The following CSMD1 variants were observed in gnomAD, a reference collection of about 807,000 sequenced individuals.
The protein encoded by CSMD1 is CUB and Sushi multiple domains 1.
CSMD1 carries 213 observed loss-of-function variants against 417.5 expected under a neutral mutation model. The ratio of observed to expected loss-of-function variants is 0.51; its 90% CI spans 0.46 to 0.57. The LOEUF is 0.57. Among genes scored for constraint, CSMD1 ranks in the 20% least tolerant of loss-of-function variants. The probability of loss-of-function intolerance (pLI) is 0.00; values close to 1 mark genes in which losing one functional copy is unlikely to be tolerated. For synonymous variants in CSMD1, 2,862 were observed against 1,736.8 expected (o/e 1.65, Z -16.11); for missense variants, 6,923 against 4,529.7 (o/e 1.53, Z -15.17).
intron 3 of CSMD1, among the ~76,000 whole-genome samples, chr8:4,173,586 C>T (rs552671098): frequency 2.0e-4 from 30 of 152,080 alleles, no homozygotes; most frequent in Middle Eastern, 6.8e-3. Context: ...CAATATGATT[C>T]GCTGGGTTTA....
chr8:4,707,236 T>G (rs2116846075), intron 1 of CSMD1, among the ~76,000 whole-genome samples: 1 of 152,346 alleles, frequency 6.6e-6, no homozygotes, highest in East Asian at 1.9e-4. Flanking sequence ...TTATCTCATT[T>G]TCATTCTTAC....
Position 3,344,856 on chromosome 8 carries a change from A to T in CSMD1, c.3475-1406T>A, listed in dbSNP as rs78736558. Among the ~76,000 whole-genome samples the T allele has an allele frequency of 6.2e-4, 95 of 152,342 alleles. 1 individual carries two copies. In the East Asian group the frequency reaches 0.015, roughly 24 times the overall value. ...GTTATTTCATTACAATTAAATATGC[A>T]CATGCTAGTGGGGTAGAATCAGATA... On this transcript the variant is annotated intron_variant, in intron 22 of 69. Transcript: ENST00000635120.
At chr8:4,075,924 A>G (rs1799797961) in intron 3 of CSMD1, among the ~76,000 whole-genome samples, 1 of 152,142 alleles carries the variant, frequency 6.6e-6, no homozygotes. Flanking sequence ...GGTACTTTAT[A>G]TATACTAAGA....
At chr8:4,894,566 A>AAAAG (rs1554513141) in intron 1 of CSMD1, among the ~76,000 whole-genome samples, 49 of 150,120 alleles carry the variant, frequency 3.3e-4, no homozygotes, top group East Asian at 7.9e-4. Context: ...AAAGAAAAAA[A>AAAAG]AAAAAAAAAG....
intron 6 of CSMD1, among the ~76,000 whole-genome samples, chr8:3,726,260 C>G (rs1040295212): frequency 1.3e-5 from 2 of 152,172 alleles, no homozygotes; most frequent in African/African-American, 4.8e-5. Flanking sequence ...AAAGAACAGC[C>G]CAGCTAGGCT....
At chr8:4,154,573 C>G (rs926602214) in intron 3 of CSMD1, among the ~76,000 whole-genome samples, 2 of 152,088 alleles carry the variant, frequency 1.3e-5, no homozygotes, top group Admixed American at 6.6e-5. Flanking sequence ...TGAGCTGGGC[C>G]AAGAGGTGAG....
chr8:3,319,757 C>T (rs1043383168), intron 23 of CSMD1, among the ~76,000 whole-genome samples: 3 of 151,994 alleles, frequency 2.0e-5, no homozygotes, highest in Admixed American at 6.5e-5. Context: ...ATTAGGAACA[C>T]GTCAGCCGGG....
intron 5 of CSMD1, among the ~76,000 whole-genome samples, chr8:3,931,623 G>A (rs929932954): frequency 1.3e-5 from 2 of 149,690 alleles, no homozygotes; most frequent in East Asian, 2.0e-4. Context: ...GTTAGAGACA[G>A]AGAAAAGTGC....
intron 3 of CSMD1, among the ~76,000 whole-genome samples, chr8:4,391,232 A>G (rs920257520): frequency 6.6e-6 from 1 of 152,166 alleles, no homozygotes; most frequent in Non-Finnish European, 1.5e-5. Context: ...CACTGTGTGC[A>G]AAGACAGCCA....
At chr8:3,274,962 C>G (rs1443619691) in intron 26 of CSMD1, among the ~76,000 whole-genome samples, 1 of 152,064 alleles carries the variant, frequency 6.6e-6, no homozygotes, top group Admixed American at 6.6e-5. Flanking sequence ...TGAATTTGAT[C>G]CTGTCATTAT....
intron 3 of CSMD1, among the ~76,000 whole-genome samples, chr8:4,287,244 A>G (rs919226135): frequency 1.3e-5 from 2 of 152,174 alleles, no homozygotes; most frequent in African/African-American, 2.4e-5. Context: ...GCAAGTTCTA[A>G]AAGATTCCCC....
At chr8:3,852,190 A>G (rs1803957500) in intron 5 of CSMD1, among the ~76,000 whole-genome samples, 1 of 152,182 alleles carries the variant, frequency 6.6e-6, no homozygotes, top group Admixed American at 6.5e-5. Context: ...TACGGAGAGT[A>G]TGTCCCTAAA....
chr8:3,175,511 T>TCC (rs1356860287), intron 37 of CSMD1, among the ~76,000 whole-genome samples: 62 of 54,516 alleles, frequency 1.1e-3, no homozygotes, highest in Middle Eastern at 9.8e-3. Context: ...CTGCCTGCCT[T>TCC]TTTTCCTTCC....
intron 1 of CSMD1, among the ~76,000 whole-genome samples, chr8:4,743,101 TATAATCTGAAAATAAATATACCAAGAAA>T (rs1340926765): frequency 6.6e-6 from 1 of 152,188 alleles, no homozygotes; most frequent in East Asian, 1.9e-4. Flanking sequence ...AGAGTCAGTA[TATAATCTGAAAATAAATATACCAAGAAA>T]AATAACCAAA....
intron 25 of CSMD1, among the ~76,000 whole-genome samples, chr8:3,307,450 T>A (rs1304286998): frequency 5.9e-5 from 9 of 152,154 alleles, no homozygotes; most frequent in Admixed American, 5.2e-4. Context: ...GGGGATAGTT[T>A]GTTATGCAGC....
chr8:4,106,555 A>C (rs573432156), intron 3 of CSMD1, among the ~76,000 whole-genome samples: 3 of 152,244 alleles, frequency 2.0e-5, no homozygotes, highest in Non-Finnish European at 4.4e-5. Flanking sequence ...AGCCACATTA[A>C]AAAACTAAAA....
Position 3,543,841 on chromosome 8 carries a change from T to C in CSMD1, c.1344+31104A>G, listed in dbSNP as rs78504153. On this transcript the variant is annotated intron_variant, in intron 10 of 69. Coordinates refer to ENST00000635120, the MANE Select transcript of CSMD1 (RefSeq NM_033225.6). ...GAACATTTTGGTAGAGGTTAGCAGA[T>C]GGATTGTATTTGAAGCTGCAGGATC... Among the ~76,000 whole-genome samples, 97 of 152,190 alleles carry C rather than the reference T, an allele frequency of 6.4e-4. 1 individual carries two copies. The East Asian group carries it at 0.015, about 24-fold the overall frequency.
chr8:3,050,382 T>G (rs1022739589), intron 50 of CSMD1, among the ~76,000 whole-genome samples: 1 of 152,192 alleles, frequency 6.6e-6, no homozygotes, highest in Non-Finnish European at 1.5e-5. Flanking sequence ...CTATTTGAAA[T>G]ATTTGGCAGG....
intron 9 of CSMD1, among the ~76,000 whole-genome samples, chr8:3,579,895 G>A (rs1800309552): frequency 6.6e-6 from 1 of 152,188 alleles, no homozygotes. Context: ...CCTGAGGTCA[G>A]GAGTTTGAGA....
Sources: gnomAD v4.1 joint callset for allele counts (sites outside exome capture counted in the v4.1 genomes callset) on GRCh38, gnomAD v4.1.1 for gene constraint, MANE v1.5 for transcripts, NCBI Gene and HGNC (gene_info 2026-07-23, HGNC 2026-07-21) for gene names.